The following NOL10 variants were observed in gnomAD, a reference collection of about 807,000 sequenced individuals.
NOL10 encodes H_NH0074G24.1.
In NOL10, 58 loss-of-function variants were observed where a neutral mutation model predicts 103.5. The ratio of observed to expected loss-of-function variants is 0.56; its 90% CI spans 0.45 to 0.70. The LOEUF is 0.70. Among genes scored for constraint, NOL10 ranks in the 30% least tolerant of loss-of-function variants. The pLI, the probability that NOL10 is intolerant of heterozygous loss-of-function variation, is 0.00. For missense variants in NOL10, 763 were observed against 807.3 expected, an observed-to-expected ratio of 0.95 and a Z score of 0.67; for synonymous variants, 287 against 282.5, an observed-to-expected ratio of 1.02 and a Z score of -0.16.
chr2:10,626,700 C>T lies in NOL10; in HGVS notation c.1026+17620G>A, dbSNP rs560827768. ...GTAAGCACCAAGATGGAGGAAATGCCGGAACCAGGAGACAAGGCCTTTGGT... is the reference window on the plus strand; with the variant it reads ...GTAAGCACCAAGATGGAGGAAATGCTGGAACCAGGAGACAAGGCCTTTGGT... On this transcript the variant is annotated intron_variant, in intron 13 of 20. Transcript: ENST00000381685. Among the ~76,000 whole-genome samples, 5 of 151,856 alleles carry T rather than the reference C, an allele frequency of 3.3e-5. No homozygotes were observed. The South Asian group carries it at 1.0e-3, about 32-fold the overall frequency.
At chr2:10,576,675 A>G (rs981733608) in intron 20 of NOL10, among the ~76,000 whole-genome samples, 5 of 152,210 alleles carry the variant, frequency 3.3e-5, no homozygotes. Flanking sequence ...AGCTATGGAG[A>G]CAGGAAGTAG....
intron 13 of NOL10, among the ~76,000 whole-genome samples, chr2:10,626,668 C>T (rs768166700): frequency 9.2e-5 from 14 of 151,982 alleles, no homozygotes; most frequent in African/African-American, 3.4e-4. Context: ...GCAACGAGAT[C>T]GACTTGGTAA....
At chr2:10,643,027 T>A (rs1678820591) in intron 13 of NOL10, among the ~76,000 whole-genome samples, 1 of 152,184 alleles carries the variant, frequency 6.6e-6, no homozygotes, top group Non-Finnish European at 1.5e-5. Flanking sequence ...CCATAATATT[T>A]ATTAACAAGT....
chr2:10,573,415 A>G (rs572271754), intron 20 of NOL10, among the ~76,000 whole-genome samples: 48 of 152,168 alleles, frequency 3.2e-4, no homozygotes, highest in African/African-American at 1.1e-3. Context: ...GATGGTCTCG[A>G]TCTCTTGACT....
intron 13 of NOL10, chr2:10,634,447 G>A: frequency 2.2e-6 from 1 of 454,090 alleles, no homozygotes; most frequent in Non-Finnish European, 4.4e-6. Flanking sequence ...CAGGTGGGGA[G>A]CTGGATCAGA....
Position 10,592,537 on chromosome 2 carries a change from C to T in NOL10, c.1423-2786G>A, listed in dbSNP as rs148513063. Among the ~76,000 whole-genome samples, 892 of 152,090 alleles carry T rather than the reference C, an allele frequency of 5.9e-3. 5 individuals are homozygous for T. Among genetic ancestry groups the T allele is most frequent in the Non-Finnish European group, 8.4e-3 (572 of 68,010 alleles). On this transcript the variant is annotated intron_variant, in intron 17 of 20. Transcript: ENST00000381685. ...AAATTTTGGAGTTATCTGTAGATAT[C>T]GGATAGATGATAGTGTGAAAGATAA...
Position 10,638,792 on chromosome 2 carries a change from C to CTTT in NOL10, c.1026+5525_1026+5527dup, listed in dbSNP as rs575658225. The stretch of plus-strand genomic sequence containing the variant: ...AGGCGTTTGAGCCACCGTGCCTGGC[C>CTTT]TTTTTTTTTTTTTTTTTTTTTTTTT... On this transcript the variant is annotated intron_variant, in intron 13 of 20. Transcript: ENST00000381685. Among the ~76,000 whole-genome samples the CTTT allele has an allele frequency of 6.1e-4, 32 of 52,858 alleles. 3 individuals carry two copies. The highest frequency in any genetic ancestry group is 1.7e-3 in the African/African-American group (18 of 10,722). The allele number at this position is 52,858 out of a possible 152,430, so 34.7% of individuals were successfully genotyped here.
intron 13 of NOL10, among the ~76,000 whole-genome samples, chr2:10,621,565 G>T (rs1055803218): frequency 3.3e-5 from 5 of 152,140 alleles, no homozygotes; most frequent in Non-Finnish European, 7.3e-5. Context: ...CTGCACTCCA[G>T]CCTGGGCAAC....
chr2:10,687,525 C>G (rs1263456237), intron 1 of NOL10, among the ~76,000 whole-genome samples: 1 of 152,200 alleles, frequency 6.6e-6, no homozygotes, highest in Non-Finnish European at 1.5e-5. Flanking sequence ...TCTGTTCTTT[C>G]TCTCACAATT....
chr2:10,670,074 A>C (rs1680828069), intron 6 of NOL10, among the ~76,000 whole-genome samples: 1 of 152,076 alleles, frequency 6.6e-6, no homozygotes, highest in South Asian at 2.1e-4. Flanking sequence ...AAAACCAAAA[A>C]GGTACTTAGA....
intron 19 of NOL10, among the ~76,000 whole-genome samples, chr2:10,587,100 C>CATATATAT (rs1162260152): frequency 3.0e-5 from 1 of 33,198 alleles, no homozygotes; most frequent in Non-Finnish European, 5.6e-5. Flanking sequence ...TATATATACA[C>CATATATAT]ATATATATAC....
intron 13 of NOL10, among the ~76,000 whole-genome samples, chr2:10,634,757 G>A (rs1408907572): frequency 6.6e-6 from 1 of 152,194 alleles, no homozygotes; most frequent in Non-Finnish European, 1.5e-5. Flanking sequence ...AGCAGGAGGA[G>A]GAGCCAGTGA....
chr2:10,623,704 C>A (rs569942992), intron 13 of NOL10, among the ~76,000 whole-genome samples: 4 of 150,752 alleles, frequency 2.7e-5, no homozygotes, highest in South Asian at 4.2e-4. Context: ...AATGACCCAG[C>A]CCCCCAAATA....
intron 1 of NOL10, among the ~76,000 whole-genome samples, chr2:10,686,829 C>G (rs983417073): frequency 5.7e-5 from 8 of 140,732 alleles, no homozygotes; most frequent in Non-Finnish European, 1.3e-4. Context: ...GGGAAGACCA[C>G]TAGGTTGCAG....
chr2:10,577,825 G>T, intron 19 of NOL10, 87 bp from the exon 20 acceptor site: 1 of 836,464 alleles, frequency 1.2e-6, no homozygotes, highest in Non-Finnish European at 1.9e-6. Flanking sequence ...AATTGATAGC[G>T]AAGAAAAATG....
rs373551616 is a variant in NOL10 at position 10,655,640 on chromosome 2, G to A, written c.907-1093C>T. ...AGCAAGTCAGGCAAAACCAAGTAAC[G>A]TGGGTGTTAGTCAAGAGGAAGTCTT... On this transcript the variant is annotated intron_variant, in intron 11 of 20. Coordinates refer to ENST00000381685, the MANE Select transcript of NOL10 (RefSeq NM_024894.4). 2.1e-4 allele frequency among the ~76,000 whole-genome samples: 32 copies of A among 152,256 alleles called. No homozygotes were observed. The East Asian group carries it at 5.2e-3, about 25-fold the overall frequency.
At chr2:10,618,419 T>C (rs1237186160) in intron 13 of NOL10, among the ~76,000 whole-genome samples, 2 of 152,164 alleles carry the variant, frequency 1.3e-5, no homozygotes, top group African/African-American at 2.4e-5. Context: ...TCACTGCTCA[T>C]AATCAGATCC....
intron 13 of NOL10, among the ~76,000 whole-genome samples, chr2:10,613,037 C>A (rs1676653793): frequency 1.4e-5 from 2 of 148,138 alleles, no homozygotes. Context: ...CCAGAGAAGA[C>A]AAGAAGAGAA....
intron 19 of NOL10, among the ~76,000 whole-genome samples, chr2:10,578,945 TA>T (rs968194401): frequency 2.6e-5 from 4 of 152,188 alleles, no homozygotes; most frequent in African/African-American, 7.2e-5. Context: ...TGCAGCCCTT[TA>T]AAGTGATGGC....
Sources: gnomAD v4.1 joint callset for allele counts (sites outside exome capture counted in the v4.1 genomes callset) on GRCh38, gnomAD v4.1.1 for gene constraint, MANE v1.5 for transcripts, NCBI Gene and HGNC (gene_info 2026-07-23, HGNC 2026-07-21) for gene names.